TSC22D2: variants seen among roughly 807,000 people sequenced by gnomAD.
TSC22D2 encodes TSC22 domain family protein 2.
A neutral mutation model predicts 50.1 loss-of-function variants in TSC22D2; 5 were observed. That is an observed-to-expected ratio of 0.10 (90% confidence interval 0.05 to 0.21). The LOEUF (loss-of-function observed/expected upper bound fraction) is 0.21. TSC22D2 is among the 10% of genes least tolerant of loss of function. TSC22D2 has a pLI of 1.00. For synonymous variants in TSC22D2, 501 were observed against 450.1 expected, an observed-to-expected ratio of 1.11 and a Z score of -1.43; for missense variants, 1,003 against 1,015.5, an observed-to-expected ratio of 0.99 and a Z score of 0.17.
At chr3:150,432,571 T>TG (rs1720411954) in intron 1 of TSC22D2, among the ~76,000 whole-genome samples, 1 of 151,862 alleles carries the variant, frequency 6.6e-6, no homozygotes, top group South Asian at 2.1e-4. Context: ...AAAATTCTAT[T>TG]GAAGAGCTTT....
chr3:150,410,422 G>A lies in TSC22D2; in HGVS notation c.1072G>A (p.Ala358Thr), dbSNP rs561596377. ...APAAQQPQQF[A>T]YPQPQIPPGH... ...CGCGGCGCAGCAGCCCCAGCAGTTC[G>A]CGTATCCTCAGCCTCAGATACCGCC... Residue 358 changes from alanine to threonine, a missense_variant, in exon 1 of 3, where the codon GCG becomes ACG. Physicochemically the swap from Ala to Thr is moderately conservative, Grantham distance 58. This residue lies in a region of TSC22D2 where 696 missense variants were observed against 647.8 expected (regional missense o/e 1.07). Transcript: ENST00000688009. 7.5e-6 allele frequency: 12 copies of A among 1,609,102 alleles called. No individual in the cohort carries two copies. In the South Asian group the frequency reaches 8.8e-5, roughly 12 times the overall value.
In TSC22D2 at chr3:150,410,853, C is replaced by T. The variant is rs752745580; in HGVS notation, c.1503C>T (p.Ala501=). ...CAGCCGTACCTGGTGGCCCTCACGC[C>T]GTGGTGCCCGGAGTTCCAAACGTGC... ...PLSAVPGGPH[A]VVPGVPNVPA... is the part of the protein sequence containing the mutation. The change falls in exon 1 of 3, where the codon GCC becomes GCT. Residue 501 remains alanine, a synonymous_variant. Transcript: ENST00000688009. 19 of 1,613,750 alleles carry T rather than the reference C, an allele frequency of 1.2e-5. No individual in the cohort carries two copies. In the Middle Eastern group the frequency reaches 4.9e-4, roughly 42 times the overall value.
At chr3:150,435,458 C>T (rs1012513543) in intron 1 of TSC22D2, among the ~76,000 whole-genome samples, 11 of 152,122 alleles carry the variant, frequency 7.2e-5, no homozygotes, top group African/African-American at 2.7e-4. Flanking sequence ...AAGGGTTGCC[C>T]TGTTTCCCCC....
chr3:150,426,489 A>T (rs963026402), intron 1 of TSC22D2, among the ~76,000 whole-genome samples: 5 of 152,166 alleles, frequency 3.3e-5, no homozygotes, highest in African/African-American at 1.2e-4. Flanking sequence ...GGTTTATAGC[A>T]AACAATTTTA....
chr3:150,423,044 C>G (rs373136693), intron 1 of TSC22D2: 2 of 1,611,980 alleles, frequency 1.2e-6, no homozygotes, highest in African/African-American at 2.7e-5. Context: ...TCTCGGATCT[C>G]ACAGGAATCC....
chr3:150,420,754 A>G (rs1317406609), intron 1 of TSC22D2, among the ~76,000 whole-genome samples: 1 of 152,266 alleles, frequency 6.6e-6, no homozygotes, highest in African/African-American at 2.4e-5. Flanking sequence ...ATTCAAATTA[A>G]ATATTTGTAT....
Position 150,410,861 on chromosome 3 carries a change from C to T in TSC22D2, c.1511C>T (p.Pro504Leu). ...AVPGGPHAVVPGVPNVPAAVP... is the reference protein window; with the variant it reads ...AVPGGPHAVVLGVPNVPAAVP... ...CCTGGTGGCCCTCACGCCGTGGTGC[C>T]CGGAGTTCCAAACGTGCCTGCAGCC... Residue 504 changes from proline to leucine, a missense_variant, in exon 1 of 3, where the codon CCC becomes CTC. By Grantham distance (98) the Pro-to-Leu change is moderately conservative. This residue lies in a region of TSC22D2 where 696 missense variants were observed against 647.8 expected (regional missense o/e 1.07). Coordinates refer to ENST00000688009, the MANE Select transcript of TSC22D2 (RefSeq NM_001303264.2). 4 of 1,613,946 alleles carry T rather than the reference C, an allele frequency of 2.5e-6. No homozygotes were observed. The highest frequency in any genetic ancestry group is 3.4e-6 in the Non-Finnish European group (4 of 1,180,022).
In TSC22D2 at chr3:150,463,917, A is replaced by T. The variant is rs138971156; in HGVS notation, c.*5281A>T. The T allele has an allele frequency of 1.0e-3, 156 of 152,318 alleles. No homozygotes were observed. The highest frequency in any genetic ancestry group is 3.6e-3 in the African/African-American group (150 of 41,574). The allele number at this position is 152,318 out of a possible 1,614,324, so 9.4% of individuals were successfully genotyped here. On this transcript the variant is annotated 3_prime_UTR_variant, in exon 3 of 3. Coordinates refer to ENST00000688009, the MANE Select transcript of TSC22D2 (RefSeq NM_001303264.2). ...TTTTTCATTCTCAGCAGGGAAACTGATAGACTAGGCAGTTTGGGGAATTTT... is the reference window on the plus strand; with the variant it reads ...TTTTTCATTCTCAGCAGGGAAACTGTTAGACTAGGCAGTTTGGGGAATTTT...
intron 1 of TSC22D2, among the ~76,000 whole-genome samples, chr3:150,437,995 C>G (rs1720600416): frequency 6.6e-6 from 1 of 152,022 alleles, no homozygotes; most frequent in Non-Finnish European, 1.5e-5. Context: ...CTACTTTACT[C>G]TTTACTAACA....
chr3:150,441,999 T>C (rs1720731357), intron 1 of TSC22D2, among the ~76,000 whole-genome samples: 1 of 152,200 alleles, frequency 6.6e-6, no homozygotes. Context: ...CCTCAGTGTT[T>C]TGCCAGCCTA....
At chr3:150,423,536 C>G (rs1245631745) in intron 1 of TSC22D2, 1 of 152,232 alleles carries the variant, frequency 6.6e-6, no homozygotes, top group Non-Finnish European at 1.5e-5. Context: ...GGAGGAGGAA[C>G]AAGACCAAGG....
chr3:150,413,880 CT>C (rs754371010), intron 1 of TSC22D2, among the ~76,000 whole-genome samples: 13 of 98,916 alleles, frequency 1.3e-4, no homozygotes, highest in East Asian at 2.4e-4. Flanking sequence ...AAGATATATG[CT>C]TTTTTTAAAA....
In TSC22D2 at chr3:150,410,161, G is replaced by C. The variant is rs36122343; in HGVS notation, c.811G>C (p.Val271Leu). Reference protein sequence around the residue: ...PTPAQPQSFSVGQPQPPPPPV... With the variant: ...PTPAQPQSFSLGQPQPPPPPV... The stretch of plus-strand genomic sequence containing the variant: ...TCCGGCCCAGCCGCAGAGTTTTAGC[G>C]TTGGGCAGCCACAGCCGCCGCCGCC... Residue 271 changes from valine to leucine, a missense_variant, in exon 1 of 3, where the codon GTT (valine) becomes CTT (leucine). Physicochemically the swap from Val to Leu is conservative, Grantham distance 32 (BLOSUM62 1). Transcript: ENST00000688009. 1 of 1,610,508 alleles carries C rather than the reference G, an allele frequency of 6.2e-7. No individual in the cohort carries two copies. Among genetic ancestry groups the C allele is most frequent in the East Asian group, 2.2e-5 (1 of 44,804 alleles).
At chr3:150,427,431 T>A (rs2108075242) in intron 1 of TSC22D2, among the ~76,000 whole-genome samples, 1 of 152,226 alleles carries the variant, frequency 6.6e-6, no homozygotes, top group Non-Finnish European at 1.5e-5. Context: ...TTTCATCCAG[T>A]ATTGTATTTG....
At chr3:150,430,709 G>C (rs1362389016) in intron 1 of TSC22D2, among the ~76,000 whole-genome samples, 1 of 152,100 alleles carries the variant, frequency 6.6e-6, no homozygotes, top group African/African-American at 2.4e-5. Context: ...TGTTTTATTA[G>C]AGTTCAAGCT....
At chr3:150,416,038 A>G (rs1007581757) in intron 1 of TSC22D2, among the ~76,000 whole-genome samples, 1 of 152,196 alleles carries the variant, frequency 6.6e-6, no homozygotes, top group Non-Finnish European at 1.5e-5. Context: ...AGGAAAGTAT[A>G]AAAGGAATCT....
intron 1 of TSC22D2, among the ~76,000 whole-genome samples, chr3:150,412,057 A>G (rs2108058133): frequency 6.6e-6 from 1 of 152,236 alleles, no homozygotes; most frequent in South Asian, 2.1e-4. Flanking sequence ...TTTTATAATA[A>G]AAGTGTAAAT....
chr3:150,454,471 C>G (rs780382033), intron 1 of TSC22D2, among the ~76,000 whole-genome samples: 6 of 152,140 alleles, frequency 3.9e-5, no homozygotes, highest in Non-Finnish European at 5.9e-5. Context: ...CTATAACTTT[C>G]ATTTGTAAGC....
At position 150,463,946 on chromosome 3, in the gene TSC22D2, A is replaced by G. The variant is rs1430404592; in HGVS notation, c.*5310A>G. ...ACTAGGCAGTTTGGGGAATTTTCCC[A>G]TTGTCTACTGTCATGGGTCCATAGT... On this transcript the variant is annotated 3_prime_UTR_variant, in exon 3 of 3. Coordinates refer to ENST00000688009, the MANE Select transcript of TSC22D2 (RefSeq NM_001303264.2). 1 of 152,144 alleles carries G rather than the reference A, an allele frequency of 6.6e-6. No homozygotes were observed. The highest frequency in any genetic ancestry group is 2.4e-5 in the African/African-American group (1 of 41,428). 9.4% of individuals were successfully genotyped at this position (152,144 alleles called of 1,614,324 possible). A position where few individuals can be genotyped will look rare whatever the true frequency, so the allele number is the denominator to read the frequency against.
Sources: allele counts gnomAD v4.1 joint callset (sites outside exome capture counted in the v4.1 genomes callset), GRCh38; gene constraint gnomAD v4.1.1; regional missense constraint gnomAD v4.1.1; transcripts MANE v1.5; gene names NCBI Gene and HGNC (gene_info 2026-07-23, HGNC 2026-07-21).